Variants in POLE observed in about 807,000 individuals in gnomAD.
The protein encoded by POLE is DNA polymerase epsilon catalytic subunit A.
A neutral mutation model predicts 279.2 loss-of-function variants in POLE; 188 were observed. The observed-to-expected ratio is 0.67, with a 90% CI of 0.60 to 0.76. The LOEUF (loss-of-function observed/expected upper bound fraction) is 0.76, where lower values mean the gene tolerates loss of function less well. Among genes scored for constraint, POLE ranks in the 30% least tolerant of loss-of-function variants. The probability of loss-of-function intolerance (pLI) is 0.00; values close to 1 mark genes in which losing one functional copy is unlikely to be tolerated. For missense variants in POLE, 2,703 were observed against 3,016.7 expected (o/e 0.90, Z 2.44); for synonymous variants, 1,214 against 1,172.5 (o/e 1.04, Z -0.72).
intron 20 of POLE, among the ~76,000 whole-genome samples, chr12:132,666,063 C>T (rs756484590): frequency 2.6e-5 from 4 of 152,200 alleles, no homozygotes; most frequent in Non-Finnish European, 4.4e-5. Context: ...GACCCAACAA[C>T]TCTACTGCTG....
At position 132,638,578 on chromosome 12, in the gene POLE, CA is replaced by C. The variant is rs5744968; in HGVS notation, c.5553-440del. 1,048 of 169,194 alleles carry C rather than the reference CA, an allele frequency of 6.2e-3. 12 individuals carry two copies. The highest frequency in any genetic ancestry group is 0.024 in the African/African-American group (996 of 41,718). 10.5% of individuals were successfully genotyped at this position (169,194 alleles called of 1,614,324 possible). A position where few individuals can be genotyped will look rare whatever the true frequency, so the allele number is the denominator to read the frequency against. ...CCCGGCCATGTTGGTGAGGCGCGGCCAGGGAAGAAGTGTCCACAAGGGGCCT... is the reference window on the plus strand; with the variant it reads ...CCCGGCCATGTTGGTGAGGCGCGGCCGGGAAGAAGTGTCCACAAGGGGCCT... On this transcript the variant is annotated intron_variant, in intron 40 of 48. Coordinates refer to ENST00000320574, the MANE Select transcript of POLE (RefSeq NM_006231.4).
chr12:132,626,383 A>C, intron 45 of POLE, 66 bp from the exon 46 acceptor site: 1 of 1,499,060 alleles, frequency 6.7e-7, no homozygotes, highest in Non-Finnish European at 9.3e-7. Flanking sequence ...TGTCTGGACC[A>C]GAACCCTCTG....
intron 12 of POLE, among the ~76,000 whole-genome samples, chr12:132,674,373 C>T (rs2042996339): frequency 6.6e-6 from 1 of 152,002 alleles, no homozygotes. Context: ...CCAGCTTTCA[C>T]CAAGACCCAC....
At chr12:132,655,980 T>C (rs775454924) in intron 29 of POLE, among the ~76,000 whole-genome samples, 1 of 151,718 alleles carries the variant, frequency 6.6e-6, no homozygotes, top group African/African-American at 2.4e-5. Flanking sequence ...CTGGCCAACA[T>C]GGTGAAACCC....
At chr12:132,630,609 G>A (rs554049618) in intron 45 of POLE, among the ~76,000 whole-genome samples, 1 of 152,248 alleles carries the variant, frequency 6.6e-6, no homozygotes, top group Non-Finnish European at 1.5e-5. Flanking sequence ...AAATTGGGGG[G>A]GCGTGGTGGC....
chr12:132,677,242 A>G lies in POLE; in HGVS notation c.801+121T>C, dbSNP rs963570228. On this transcript the variant is annotated intron_variant, in intron 8 of 48. Transcript: ENST00000320574. ...ATTCTAACTCCATATTTCCTTTAAT[A>G]AAGTATTTGGGGGAAAAGCAGCAAA... 1.3e-5 allele frequency: 10 copies of G among 752,962 alleles called. No individual in the cohort carries two copies. The African/African-American group carries it at 1.8e-4, about 13-fold the overall frequency. 46.6% of individuals were successfully genotyped at this position (752,962 alleles called of 1,614,324 possible).
At chr12:132,673,120 A>G (rs2135995210) in intron 14 of POLE, 44 bp downstream of exon 14, 1 of 1,252,368 alleles carries the variant, frequency 8.0e-7, no homozygotes, top group South Asian at 1.2e-5. Flanking sequence ...GAATGGGGCA[A>G]GGGCTGAGGA....
intron 6 of POLE, 31 bp downstream of exon 6, chr12:132,679,466 C>T (rs1025860311): frequency 5.7e-6 from 9 of 1,587,534 alleles, no homozygotes; most frequent in Non-Finnish European, 7.8e-6. Flanking sequence ...TTCTGAACCG[C>T]TGATGCTTTG....
rs1593735276 is a variant in POLE, at chr12:132,643,621, G to A, written c.4291-61C>T. ...GATGGTGGGGGCTCTGGCTGCCCAC[G>A]TGACTTCTGCCCGGGATGTGGCTGT... On this transcript the variant is annotated intron_variant, in intron 33 of 48. Coordinates refer to ENST00000320574, the MANE Select transcript of POLE (RefSeq NM_006231.4). 3.7e-5 allele frequency: 59 copies of A among 1,604,514 alleles called. 1 individual carries two copies. The South Asian group carries it at 5.1e-4, about 14-fold the overall frequency.
At chr12:132,627,914 A>T (rs148155163) in intron 45 of POLE, among the ~76,000 whole-genome samples, 2 of 152,234 alleles carry the variant, frequency 1.3e-5, no homozygotes, top group Non-Finnish European at 2.9e-5. Flanking sequence ...ATGCTGTTTG[A>T]TAACATTTCA....
At chr12:132,652,314 C>CTTT (rs11449205) in intron 29 of POLE, among the ~76,000 whole-genome samples, 19 of 111,160 alleles carry the variant, frequency 1.7e-4, no homozygotes, top group Non-Finnish European at 1.9e-4. Context: ...TTGTAGTTTC[C>CTTT]TTTTTTTTTT....
rs1269825866 is a variant in POLE at position 132,680,049 on chromosome 12, A to G, written c.331-3T>C. On this transcript the variant is annotated splice_polypyrimidine_tract_variant and splice_region_variant and intron_variant, in intron 4 of 48. Coordinates refer to ENST00000320574, the MANE Select transcript of POLE (RefSeq NM_006231.4). ...GATGAAACTTCTCGCTCACAACCCT[A>G]ATCAGGATCAGAATGAAAAGGCTTT... The G allele has an allele frequency of 4.3e-6, 7 of 1,612,664 alleles. No individual in the cohort carries two copies. The highest frequency in any genetic ancestry group is 5.9e-6 in the Non-Finnish European group (7 of 1,178,960).
At position 132,657,270 on chromosome 12, in the gene POLE, C is replaced by T; in HGVS notation, c.3460-12G>A. On this transcript the variant is annotated splice_polypyrimidine_tract_variant and intron_variant, in intron 28 of 48. Transcript: ENST00000320574. Reference sequence around the variant, plus strand: ...ACTGGGTTCTTTACCTGTGTGAGGCCAACACCCATCAGAGAGAGACCCTTG... The same window carrying T: ...ACTGGGTTCTTTACCTGTGTGAGGCTAACACCCATCAGAGAGAGACCCTTG... 6.2e-7 allele frequency: 1 copy of T among 1,614,062 alleles called. No homozygotes were observed. The highest frequency in any genetic ancestry group is 8.5e-7 in the Non-Finnish European group (1 of 1,180,004).
chr12:132,686,743 T>C lies in POLE; in HGVS notation c.62+511A>G, dbSNP rs541812168. On this transcript the variant is annotated intron_variant, in intron 1 of 48. Transcript: ENST00000320574. ...GAGCGGGACTCCCTGCCCAAAAAAA[T>C]AAAACAGAGGAGACGAGGTCTCTCT... Among the ~76,000 whole-genome samples, 6 of 151,802 alleles carry C rather than the reference T, an allele frequency of 4.0e-5. No homozygotes were observed. In the East Asian group the frequency reaches 9.8e-4, roughly 25 times the overall value.
chr12:132,678,059 C>A (rs1334114580), intron 6 of POLE, among the ~76,000 whole-genome samples: 1 of 152,010 alleles, frequency 6.6e-6, no homozygotes, highest in Non-Finnish European at 1.5e-5. Flanking sequence ...ATGTCTGTAA[C>A]CCCAGATACC....
chr12:132,632,974 A>G (rs1218951102), intron 43 of POLE, 179 bp from the exon 44 acceptor site: 1 of 639,064 alleles, frequency 1.6e-6, no homozygotes, highest in East Asian at 2.9e-5. Context: ...AGAAGTGGAA[A>G]TGAGAAGGAA....
Position 132,643,286 on chromosome 12 carries a change from T to C in POLE, c.4489A>G (p.Lys1497Glu). The C allele has an allele frequency of 6.2e-7, 1 of 1,613,968 alleles. No homozygotes were observed. The highest frequency in any genetic ancestry group is 8.5e-7 in the Non-Finnish European group (1 of 1,180,032). The part of the protein sequence containing the change: ...IYLYHHAQAH[K>E]ALFGIFIPSQ... ...GGGATGAAGATCCCGAAGAGCGCTT[T>C]GTGGGCCTGTGCGTGGTGGTACAGG... Residue 1497 changes from lysine (K) to glutamate (E), a missense_variant, in exon 35 of 49, where the codon AAA (lysine) becomes GAA (glutamate). By Grantham distance (56) the Lys-to-Glu change is moderately conservative. This residue lies in a region of POLE where 1,551 missense variants were observed against 1,686.1 expected (regional missense o/e 0.92). Transcript: ENST00000320574.
chr12:132,646,787 C>G (rs920979579), intron 32 of POLE, among the ~76,000 whole-genome samples: 2 of 121,956 alleles, frequency 1.6e-5, no homozygotes, highest in African/African-American at 7.5e-5. Flanking sequence ...AGCCGAGATG[C>G]GCCACTGGAC....
chr12:132,626,346 G>A, intron 45 of POLE, 29 bp from the exon 46 acceptor site: 1 of 1,607,028 alleles, frequency 6.2e-7, no homozygotes, highest in Non-Finnish European at 8.5e-7. Context: ...ACATCGGGAA[G>A]GAGCTCCCGG....
Sources: allele counts gnomAD v4.1 joint callset (sites outside exome capture counted in the v4.1 genomes callset), GRCh38; gene constraint gnomAD v4.1.1; regional missense constraint gnomAD v4.1.1; transcripts MANE v1.5; gene names NCBI Gene and HGNC (gene_info 2026-07-23, HGNC 2026-07-21).